BLTP2: variants seen among roughly 807,000 people sequenced by gnomAD.
The protein encoded by BLTP2 is U937-associated antigen.
the BLTP2 span, chr17:28,615,280 A>G: frequency 4.0e-5 from 61 of 1,535,204 alleles, no homozygotes; most frequent in South Asian, 7.1e-4. Context: ...AGAAAATGTA[A>G]ATATTAGTGG....
chr17:28,619,715 G>T, the BLTP2 span: 1 of 1,613,850 alleles, frequency 6.2e-7, no homozygotes, highest in Non-Finnish European at 8.5e-7. Context: ...TGGTTTAGCT[G>T]CAACTGAAGC....
At chr17:28,639,981 C>G in the BLTP2 span, 1 of 1,614,016 alleles carries the variant, frequency 6.2e-7, no homozygotes, top group Non-Finnish European at 8.5e-7. Context: ...ATCCTCATCA[C>G]GGTGGTACAG....
the BLTP2 span, among the ~76,000 whole-genome samples, chr17:28,627,919 CA>C: frequency 2.3e-3 from 353 of 152,314 alleles, 1 homozygote; most frequent in African/African-American, 8.2e-3. Context: ...CCTCGGCCTC[CA>C]AAAGTGCTGG....
chr17:28,638,656 A>C, the BLTP2 span: 4 of 1,458,228 alleles, frequency 2.7e-6, no homozygotes, highest in Non-Finnish European at 3.8e-6. Flanking sequence ...CATAGGAACA[A>C]GACATCATTG....
chr17:28,620,683 T>A, the BLTP2 span: 1 of 1,596,410 alleles, frequency 6.3e-7, no homozygotes, highest in Non-Finnish European at 8.6e-7. Flanking sequence ...CCTAAATATC[T>A]ACTCCATCTC....
At chr17:28,620,107 G>T in the BLTP2 span, 1 of 1,187,322 alleles carries the variant, frequency 8.4e-7, no homozygotes, top group Non-Finnish European at 1.2e-6. Context: ...AATGGGGGGG[G>T]TCTCTTCTAG....
At chr17:28,629,508 C>CA in the BLTP2 span, among the ~76,000 whole-genome samples, 1 of 151,982 alleles carries the variant, frequency 6.6e-6, no homozygotes, top group Non-Finnish European at 1.5e-5. Flanking sequence ...AACAGAGTCT[C>CA]ACTCTTGTCG....
At chr17:28,637,913 C>T in the BLTP2 span, 1 of 1,614,146 alleles carries the variant, frequency 6.2e-7, no homozygotes, top group Non-Finnish European at 8.5e-7. Context: ...CACAGATTCC[C>T]CAAATGAAGA....
At chr17:28,642,023 C>T in the BLTP2 span, 20 of 1,614,080 alleles carry the variant, frequency 1.2e-5, no homozygotes, top group Non-Finnish European at 1.4e-5. Flanking sequence ...ACTGCTAATG[C>T]CCACCTTTAG....
chr17:28,631,936 A>G, the BLTP2 span: 15 of 1,613,326 alleles, frequency 9.3e-6, no homozygotes, highest in Non-Finnish European at 1.3e-5. Context: ...ACAAGAGAGC[A>G]TAACATTAAC....
the BLTP2 span, chr17:28,616,736 G>T: frequency 1.2e-6 from 2 of 1,614,212 alleles, no homozygotes; most frequent in Non-Finnish European, 1.7e-6. The surrounding 1 kb of genome is among the most constrained non-coding windows in gnomAD (Gnocchi z 4.8). Context: ...GCTGGATGGT[G>T]AGAGGCACCA....
chr17:28,637,692 G>A, the BLTP2 span: 1 of 671,650 alleles, frequency 1.5e-6, no homozygotes, highest in Non-Finnish European at 2.5e-6. Flanking sequence ...ATTTTTTGGA[G>A]ACAGAGTCTC....
At chr17:28,631,813 AT>A in the BLTP2 span, 1 of 1,613,406 alleles carries the variant, frequency 6.2e-7, no homozygotes, top group Non-Finnish European at 8.5e-7. Flanking sequence ...GGAGTCTTTC[AT>A]TTTACCTTGA....
the BLTP2 span, chr17:28,644,124 A>C: frequency 1.4e-5 from 22 of 1,614,242 alleles, no homozygotes; most frequent in Non-Finnish European, 1.9e-5. Context: ...GGAAGGAGCC[A>C]ATCTTTAGCT....
At chr17:28,642,170 G>C in the BLTP2 span, 7 of 1,571,860 alleles carry the variant, frequency 4.5e-6, no homozygotes, top group East Asian at 2.2e-5. Context: ...GTACTGACTT[G>C]AGGGAACCCC....
At chr17:28,639,794 C>T in the BLTP2 span, 18 of 1,469,322 alleles carry the variant, frequency 1.2e-5, no homozygotes, top group Non-Finnish European at 1.6e-5. Context: ...CCTCCTTCCA[C>T]TCCCCAGTTA....
the BLTP2 span, chr17:28,628,594 G>A: frequency 1.3e-6 from 2 of 1,582,864 alleles, no homozygotes; most frequent in Non-Finnish European, 1.7e-6. Flanking sequence ...GGGTAGCATG[G>A]AAATTGCCCC....
the BLTP2 span, chr17:28,621,009 C>G: frequency 6.2e-7 from 1 of 1,614,172 alleles, no homozygotes; most frequent in Non-Finnish European, 8.5e-7. Flanking sequence ...TTTAGGAGAT[C>G]TTCCTTTTCC....
At chr17:28,622,623 C>T in the BLTP2 span, among the ~76,000 whole-genome samples, 1 of 152,208 alleles carries the variant, frequency 6.6e-6, no homozygotes, top group African/African-American at 2.4e-5. Context: ...AATAGACTCT[C>T]CAATAATTCT....
Sources: allele counts gnomAD v4.1 joint callset (sites outside exome capture counted in the v4.1 genomes callset), GRCh38; gene constraint gnomAD v4.1.1; non-coding constraint Gnocchi (gnomAD v3.1); transcripts MANE v1.5; gene names NCBI Gene and HGNC (gene_info 2026-07-23, HGNC 2026-07-21).